CTDSP2: variants seen among roughly 807,000 people sequenced by gnomAD.
CTDSP2 encodes the protein CTD small phosphatase 2, also known as carboxy-terminal domain RNA polymerase II polypeptide A small phosphatase 2.
CTDSP2 carries 9 observed loss-of-function variants against 31.6 expected under a neutral mutation model. The ratio of observed to expected loss-of-function variants is 0.28; its 90% CI spans 0.17 to 0.50. The LOEUF (loss-of-function observed/expected upper bound fraction) is 0.50, where lower values mean the gene tolerates loss of function less well. Ranked by LOEUF, CTDSP2 falls within the 20% of genes least tolerant of loss-of-function variation. The pLI is 0.98. For synonymous variants in CTDSP2, 134 were observed against 134.5 expected (o/e 1.00, Z 0.03); for missense variants, 267 against 348.5 (o/e 0.77, Z 1.86).
At chr12:57,826,969 T>C (rs752235936) in intron 4 of CTDSP2, 27 bp downstream of exon 4, 3 of 1,534,276 alleles carry the variant, frequency 2.0e-6, no homozygotes, top group Middle Eastern at 1.7e-4. Context: ...AAGATAAAGG[T>C]AGGAAGGGTT....
At chr12:57,840,838 C>T (rs996180583) in intron 1 of CTDSP2, among the ~76,000 whole-genome samples, 1 of 152,126 alleles carries the variant, frequency 6.6e-6, no homozygotes, top group African/African-American at 2.4e-5. Flanking sequence ...AGGTTCAAGG[C>T]TAACTCCTAG....
At chr12:57,824,366 G>A in intron 5 of CTDSP2, 47 bp from the exon 6 acceptor site, 3 of 1,403,934 alleles carry the variant, frequency 2.1e-6, no homozygotes, top group Non-Finnish European at 3.0e-6. Flanking sequence ...TGTGATGAAG[G>A]TTTGCAGTAC....
intron 1 of CTDSP2, 103 bp downstream of exon 1, chr12:57,846,268 GC>G (rs1956315546): frequency 2.8e-5 from 30 of 1,076,520 alleles, no homozygotes; most frequent in Non-Finnish European, 4.1e-5. Flanking sequence ...GGGATCGCTG[GC>G]TCTAAGCCCT....
chr12:57,823,197 G>C lies in CTDSP2; in HGVS notation c.*405C>G, dbSNP rs1956158940. 2 of 219,904 alleles carry C rather than the reference G, an allele frequency of 9.1e-6. No homozygotes were observed. The highest frequency in any genetic ancestry group is 4.5e-5 in the African/African-American group (2 of 44,926). The allele number at this position is 219,904 out of a possible 1,614,324, so 13.6% of individuals were successfully genotyped here. A position where few individuals can be genotyped will look rare whatever the true frequency, so the allele number is the denominator to read the frequency against. On this transcript the variant is annotated 3_prime_UTR_variant, in exon 8 of 8. Coordinates refer to ENST00000398073, the MANE Select transcript of CTDSP2 (RefSeq NM_005730.4). ...AACACTGAGGAAAGGCCATGGTTTG[G>C]CAATGGAGTCTTCAATAGTCTTCAT...
intron 1 of CTDSP2, among the ~76,000 whole-genome samples, chr12:57,839,638 G>A (rs1956270361): frequency 1.3e-5 from 2 of 152,022 alleles, no homozygotes; most frequent in Non-Finnish European, 2.9e-5. Flanking sequence ...GAATGGCATA[G>A]ACCCAGGAGG....
chr12:57,846,554 G>T lies in CTDSP2; in HGVS notation c.-119C>A. The T allele has an allele frequency of 1.3e-6, 1 of 769,056 alleles. No homozygotes were observed. Among genetic ancestry groups the T allele is most frequent in the Non-Finnish European group, 1.9e-6 (1 of 514,834 alleles). The allele number at this position is 769,056 out of a possible 1,614,324, so 47.6% of individuals were successfully genotyped here. ...GGCTCCCGAGACTCCGACTTCCACA[G>T]CTGTTCACATCCCCCCTCTCGTTTC... is the stretch of plus-strand genomic sequence containing the variant. On this transcript the variant is annotated 5_prime_UTR_variant, in exon 1 of 8. The change creates a new upstream start codon in the 5' untranslated region. Transcript: ENST00000398073.
At chr12:57,838,797 A>G (rs1186585465) in intron 1 of CTDSP2, among the ~76,000 whole-genome samples, 1 of 152,206 alleles carries the variant, frequency 6.6e-6, no homozygotes, top group Non-Finnish European at 1.5e-5. Flanking sequence ...TGGGAAGACT[A>G]CCTATTTCTC....
Position 57,820,325 on chromosome 12 carries a change from G to A in CTDSP2, c.*3277C>T, listed in dbSNP as rs563477249. The A allele has an allele frequency of 1.8e-4, 28 of 152,290 alleles. No individual in the cohort carries two copies. Among genetic ancestry groups the A allele is most frequent in the African/African-American group, 6.5e-4 (27 of 41,558 alleles). The allele number at this position is 152,290 out of a possible 1,614,324, so 9.4% of individuals were successfully genotyped here. The stretch of plus-strand genomic sequence containing the variant: ...AGCATTTAGAAAAAAGGAGAAAAAA[G>A]ACAGAACTAAACCCGTTTAGGAAAA... On this transcript the variant is annotated 3_prime_UTR_variant, in exon 8 of 8. Coordinates refer to ENST00000398073, the MANE Select transcript of CTDSP2 (RefSeq NM_005730.4).
At chr12:57,826,476 G>T in intron 4 of CTDSP2, 74 bp from the exon 5 acceptor site, 2 of 1,464,280 alleles carry the variant, frequency 1.4e-6, no homozygotes, top group Non-Finnish European at 1.9e-6. Context: ...CCCCTAGGTG[G>T]GTGGGGAGAA....
intron 3 of CTDSP2, 115 bp downstream of exon 3, chr12:57,827,437 G>C (rs746675582): frequency 5.4e-5 from 62 of 1,157,926 alleles, no homozygotes; most frequent in Non-Finnish European, 7.7e-5. Flanking sequence ...TGGCTTCCCA[G>C]GTCAGGGAGG....
At chr12:57,831,105 A>T (rs1473780063) in intron 1 of CTDSP2, among the ~76,000 whole-genome samples, 4 of 51,938 alleles carry the variant, frequency 7.7e-5, no homozygotes, top group South Asian at 5.0e-4. Flanking sequence ...CAAGCAGATA[A>T]AAAAAAAAAA....
At chr12:57,839,517 GACCATCCTGGC>G (rs1318016822) in intron 1 of CTDSP2, among the ~76,000 whole-genome samples, 1 of 152,160 alleles carries the variant, frequency 6.6e-6, no homozygotes, top group Non-Finnish European at 1.5e-5. Flanking sequence ...AGGAGATCAA[GACCATCCTGGC>G]TAACACAGTG....
intron 2 of CTDSP2, among the ~76,000 whole-genome samples, chr12:57,828,279 C>T (rs746592924): frequency 5.3e-5 from 8 of 152,058 alleles, no homozygotes; most frequent in African/African-American, 1.4e-4. Flanking sequence ...ATTAGCCGGT[C>T]GTGGTGGCAC....
intron 1 of CTDSP2, among the ~76,000 whole-genome samples, chr12:57,843,649 T>C (rs1425865512): frequency 6.6e-6 from 1 of 152,142 alleles, no homozygotes; most frequent in Non-Finnish European, 1.5e-5. Flanking sequence ...CACTCCTTCT[T>C]CCCCTTTTTC....
Position 57,824,217 on chromosome 12 carries a change from C to G in CTDSP2, c.504+10G>C. The G allele has an allele frequency of 6.2e-7, 1 of 1,613,756 alleles. No individual in the cohort carries two copies. The highest frequency in any genetic ancestry group is 8.5e-7 in the Non-Finnish European group (1 of 1,179,660). ...CCCACTCCTGGTTCTTCCCTCTCAC[C>G]CCTAGGTACCTTGGCCAGGCTGGCA... On this transcript the variant is annotated intron_variant, in intron 6 of 7. Coordinates refer to ENST00000398073, the MANE Select transcript of CTDSP2 (RefSeq NM_005730.4).
chr12:57,824,180 G>A (rs752568029), intron 6 of CTDSP2, 47 bp downstream of exon 6: 32 of 1,608,094 alleles, frequency 2.0e-5, no homozygotes, highest in Non-Finnish European at 2.4e-5. Flanking sequence ...GACCACCCCC[G>A]TGGCCACCAC....
At chr12:57,838,197 C>T (rs1461327922) in intron 1 of CTDSP2, among the ~76,000 whole-genome samples, 3 of 152,160 alleles carry the variant, frequency 2.0e-5, no homozygotes, top group Non-Finnish European at 2.9e-5. Flanking sequence ...AAGTCAGCTG[C>T]AGGCTCAGCC....
At chr12:57,837,833 T>C (rs1190780165) in intron 1 of CTDSP2, among the ~76,000 whole-genome samples, 1 of 152,162 alleles carries the variant, frequency 6.6e-6, no homozygotes, top group African/African-American at 2.4e-5. Context: ...GTGTCTCCAT[T>C]AGTTCCCTTT....
At chr12:57,835,635 A>G (rs992674230) in intron 1 of CTDSP2, among the ~76,000 whole-genome samples, 2 of 152,064 alleles carry the variant, frequency 1.3e-5, no homozygotes, top group Non-Finnish European at 2.9e-5. Context: ...TGCCCCAAAC[A>G]TTTGGTTTGG....
Sources: gnomAD v4.1 joint callset for allele counts (sites outside exome capture counted in the v4.1 genomes callset) on GRCh38, gnomAD v4.1.1 for gene constraint, MANE v1.5 for transcripts, NCBI Gene and HGNC (gene_info 2026-07-23, HGNC 2026-07-21) for gene names.